Variants in TPO observed in about 807,000 individuals in gnomAD.
TPO encodes thyroid microsomal antigen.
Under a neutral mutation model 96.9 loss-of-function variants are expected in TPO, and 78 were observed. The observed-to-expected ratio is 0.81, with a 90% CI of 0.67 to 0.97. The LOEUF is 0.97. TPO is among the 50% of genes least tolerant of loss of function. TPO has a pLI of 0.00. For missense variants in TPO, 1,252 were observed against 1,274.8 expected, an observed-to-expected ratio of 0.98 and a Z score of 0.27; for synonymous variants, 547 against 538.0, an observed-to-expected ratio of 1.02 and a Z score of -0.23.
At chr2:1,411,644 A>C (rs1200829775), upstream of TPO, among the ~76,000 whole-genome samples, 1 of 151,986 alleles carries the variant, frequency 6.6e-6, no homozygotes, top group Non-Finnish European at 1.5e-5. Context: ...TCCAAATGAG[A>C]CTTTTGGCAG....
At chr2:1,389,198 G>T (rs1218760278) in intron 1 of TPO, among the ~76,000 whole-genome samples, 6 of 152,124 alleles carry the variant, frequency 3.9e-5, no homozygotes, top group Non-Finnish European at 8.8e-5. Flanking sequence ...AGGAGACAGT[G>T]GTGCCACAGG....
chr2:1,408,086 CT>C (rs1662273337), intron 1 of TPO, among the ~76,000 whole-genome samples: 2 of 152,210 alleles, frequency 1.3e-5, no homozygotes, highest in Admixed American at 6.5e-5. Flanking sequence ...CTACTTGGGC[CT>C]TCTGACGCCA....
At chr2:1,527,120 ACCCCCACTGTGTGCAACCTCCTCAAATC>A (rs1676744027) in intron 15 of TPO, among the ~76,000 whole-genome samples, 23 of 17,792 alleles carry the variant, frequency 1.3e-3, no homozygotes, top group African/African-American at 6.0e-3. Context: ...CTCCGCAAAT[ACCCCCACTGTGTGCAACCTCCTCAAATC>A]CCCCCACTCT....
At chr2:1,436,432 A>G (rs1171460287) in intron 5 of TPO, 48 bp downstream of exon 5, 1 of 1,613,228 alleles carries the variant, frequency 6.2e-7, no homozygotes, top group East Asian at 2.2e-5. Context: ...TTGGATCTGA[A>G]CATGACTAGA....
chr2:1,531,291 C>G (rs1678160379), intron 15 of TPO, among the ~76,000 whole-genome samples: 1 of 98,312 alleles, frequency 1.0e-5, no homozygotes, highest in Non-Finnish European at 2.1e-5. Flanking sequence ...CCCCTAATGT[C>G]AGCAACTTCC....
intron 7 of TPO, among the ~76,000 whole-genome samples, chr2:1,468,807 AC>A (rs1311397235): frequency 1.3e-5 from 2 of 152,140 alleles, no homozygotes; most frequent in Non-Finnish European, 2.9e-5. Flanking sequence ...AACTTTCCAA[AC>A]TTTTAGATTT....
Position 1,414,455 on chromosome 2 carries a change from C to T in TPO, c.47C>T (p.Thr16Ile). The T allele has an allele frequency of 1.9e-6, 3 of 1,614,050 alleles. No homozygotes were observed. Among genetic ancestry groups the T allele is most frequent in the Non-Finnish European group, 2.5e-6 (3 of 1,180,000 alleles). The change falls in exon 2 of 17, where the codon ACA (threonine) becomes ATA (isoleucine). Residue 16 changes from threonine to isoleucine, a missense_variant. Coordinates refer to ENST00000329066, the MANE Select transcript of TPO (RefSeq NM_001206744.2). ...TCTGTCACGCTGGTTATGGCCTGCA[C>T]AGAAGCCTTCTTCCCCTTCATCTCG... ...VLSVTLVMAC[T>I]EAFFPFISRG...
chr2:1,375,400 A>G (rs1017324714), intron 1 of TPO, among the ~76,000 whole-genome samples: 12 of 152,148 alleles, frequency 7.9e-5, no homozygotes, highest in African/African-American at 2.9e-4. Context: ...CGGAAAAAAC[A>G]AACACAAGTC....
At position 1,535,491 on chromosome 2, in the gene TPO, G is replaced by T. The variant is rs1288141809; in HGVS notation, c.2619-5103G>T. Among the ~76,000 whole-genome samples the T allele has an allele frequency of 1.0e-4, 2 of 20,054 alleles. 1 individual carries two copies. The highest frequency in any genetic ancestry group is 1.8e-4 in the Non-Finnish European group (2 of 10,966). 13.2% of individuals were successfully genotyped at this position (20,054 alleles called of 152,430 possible). On this transcript the variant is annotated intron_variant, in intron 15 of 16. Transcript: ENST00000329066. ...ATCAGCCCCACTCCGTGCAACCTCC[G>T]CCTATCCCTCCCACTGGGTGCAACC...
chr2:1,424,295 G>A (rs2048724), intron 3 of TPO, among the ~76,000 whole-genome samples: 120,138 of 151,940 alleles, frequency 0.79, 47,608 homozygotes, highest in South Asian at 0.9. Flanking sequence ...TTAAGGGGTT[G>A]TGGACACCAA....
Position 1,504,030 on chromosome 2 carries a change from T to G in TPO, c.2469T>G (p.Cys823Trp). Residue 823 changes from cysteine (C) to tryptophan (W), a missense_variant, in exon 14 of 17, where the codon TGT becomes TGG. Physicochemically the swap from Cys to Trp is radical, Grantham distance 215. Coordinates refer to ENST00000329066, the MANE Select transcript of TPO (RefSeq NM_001206744.2). ...RCRNTKGGFQCLCADPYELGD... is the reference protein window; with the variant it reads ...RCRNTKGGFQWLCADPYELGD... ...GAAACACCAAAGGCGGCTTCCAGTG[T>G]CTCTGCGCGGACCCCTACGAGTTAG... is the stretch of plus-strand genomic sequence containing the variant. 1 of 1,614,164 alleles carries G rather than the reference T, an allele frequency of 6.2e-7. No homozygotes were observed. Among genetic ancestry groups the G allele is most frequent in the Middle Eastern group, 1.6e-4 (1 of 6,062 alleles).
chr2:1,411,110 T>G (rs927628869), upstream of TPO, among the ~76,000 whole-genome samples: 2 of 152,172 alleles, frequency 1.3e-5, no homozygotes, highest in Admixed American at 6.5e-5. Flanking sequence ...TGCTATCCAG[T>G]GGGCCTCCTG....
intron 6 of TPO, among the ~76,000 whole-genome samples, chr2:1,454,336 C>T (rs1667587739): frequency 1.3e-5 from 2 of 152,148 alleles, no homozygotes; most frequent in African/African-American, 2.4e-5. Flanking sequence ...TGCTCTTGTG[C>T]CATGTTCAGT....
rs987247780 is a variant in TPO, at chr2:1,478,120, G to T, written c.1338+516G>T. 2.3e-5 allele frequency: 23 copies of T among 985,316 alleles called. No homozygotes were observed. In the African/African-American group the frequency reaches 3.8e-4, roughly 16 times the overall value. The allele number at this position is 985,316 out of a possible 1,614,324, so 61.0% of individuals were successfully genotyped here. On this transcript the variant is annotated intron_variant, in intron 8 of 16. Coordinates refer to ENST00000329066, the MANE Select transcript of TPO (RefSeq NM_001206744.2). ...AGAACCGACTCTGTGTGAGGATTCT[G>T]AACTAACAAGTTAGAGTCTATTTGA...
At chr2:1,416,800 T>C (rs924260477) in intron 2 of TPO, among the ~76,000 whole-genome samples, 2 of 152,202 alleles carry the variant, frequency 1.3e-5, no homozygotes, top group Non-Finnish European at 2.9e-5. Context: ...CCAATGACTG[T>C]GTGTGGGTTT....
intron 15 of TPO, among the ~76,000 whole-genome samples, chr2:1,536,811 C>A (rs1326797263): frequency 8.8e-6 from 1 of 113,852 alleles, no homozygotes; most frequent in Middle Eastern, 4.9e-3. Context: ...GCAACCTCCC[C>A]AAATCCCCCC....
intron 7 of TPO, among the ~76,000 whole-genome samples, chr2:1,464,233 CT>C (rs28911168): frequency 0.022 from 3,303 of 152,304 alleles, 52 homozygotes; most frequent in Admixed American, 0.035. Flanking sequence ...TAATTCACTC[CT>C]TTTTATGGCT....
chr2:1,394,776 C>T (rs1354923244), intron 1 of TPO, among the ~76,000 whole-genome samples: 1 of 152,130 alleles, frequency 6.6e-6, no homozygotes, highest in East Asian at 1.9e-4. Flanking sequence ...TGAGAAGGGG[C>T]CATGGGTTTT....
At chr2:1,390,181 C>T (rs1661979584) in intron 1 of TPO, among the ~76,000 whole-genome samples, 1 of 152,102 alleles carries the variant, frequency 6.6e-6, no homozygotes, top group South Asian at 2.1e-4. Context: ...TCCCCAGCCT[C>T]TGACAGGCCC....
Sources: gnomAD v4.1 joint callset for allele counts (sites outside exome capture counted in the v4.1 genomes callset) on GRCh38, gnomAD v4.1.1 for gene constraint, MANE v1.5 for transcripts, NCBI Gene and HGNC (gene_info 2026-07-23, HGNC 2026-07-21) for gene names.